WDR27: variants seen among roughly 807,000 people sequenced by gnomAD.
WDR27 encodes the protein WD repeat-containing protein 27.
Under a neutral mutation model 114.4 loss-of-function variants are expected in WDR27, and 100 were observed. The observed-to-expected ratio is 0.87, with a 90% CI of 0.74 to 1.03. The LOEUF (loss-of-function observed/expected upper bound fraction) is 1.03. Among genes scored for constraint, WDR27 ranks in the 50% least tolerant of loss-of-function variants. The pLI, the probability that WDR27 is intolerant of heterozygous loss-of-function variation, is 0.00. For missense variants in WDR27, 1,129 were observed against 1,092.9 expected, an observed-to-expected ratio of 1.03 and a Z score of -0.47; for synonymous variants, 449 against 423.1, an observed-to-expected ratio of 1.06 and a Z score of -0.75.
chr6:169,486,825 T>C (rs1347823442), intron 25 of WDR27, among the ~76,000 whole-genome samples: 1 of 152,234 alleles, frequency 6.6e-6, no homozygotes, highest in African/African-American at 2.4e-5. Flanking sequence ...TTTTCCTCGA[T>C]GTTTTCACAG....
At chr6:169,643,820 A>T (rs771739224) in intron 16 of WDR27, 34 bp from the exon 17 acceptor site, 1 of 1,570,538 alleles carries the variant, frequency 6.4e-7, no homozygotes, top group Non-Finnish European at 8.7e-7. Flanking sequence ...GACTTCTTAG[A>T]AAAGCCTAAT....
intron 13 of WDR27, among the ~76,000 whole-genome samples, chr6:169,655,896 G>C (rs996055641): frequency 6.6e-6 from 1 of 152,116 alleles, no homozygotes; most frequent in African/African-American, 2.4e-5. Context: ...AATTTTTCTT[G>C]TATTTTTAGT....
intron 13 of WDR27, among the ~76,000 whole-genome samples, chr6:169,656,487 C>G (rs1342056796): frequency 1.3e-5 from 2 of 151,828 alleles, no homozygotes; most frequent in African/African-American, 4.8e-5. Context: ...GTGAGACTGA[C>G]AGGGCCAAGA....
At chr6:169,527,279 A>G (rs1283466910) in intron 25 of WDR27, among the ~76,000 whole-genome samples, 1 of 152,280 alleles carries the variant, frequency 6.6e-6, no homozygotes, top group Non-Finnish European at 1.5e-5. Context: ...ACTGTGGTAT[A>G]TCCATACTTT....
intron 25 of WDR27, among the ~76,000 whole-genome samples, chr6:169,503,576 T>TC (rs1268741440): frequency 2.6e-5 from 4 of 152,168 alleles, no homozygotes; most frequent in Admixed American, 2.0e-4. Flanking sequence ...CATTAGATGC[T>TC]CCTTTTTTTG....
intron 3 of WDR27, 115 bp from the exon 4 acceptor site, chr6:169,670,808 A>G (rs186809103): frequency 1.1e-5 from 14 of 1,323,038 alleles, no homozygotes; most frequent in African/African-American, 1.0e-4. Flanking sequence ...GAGAATGACA[A>G]TGAGCTTTGA....
chr6:169,476,710 G>C (rs978083603), intron 25 of WDR27, among the ~76,000 whole-genome samples: 6 of 152,228 alleles, frequency 3.9e-5, no homozygotes, highest in Admixed American at 1.3e-4. Flanking sequence ...TTTCAAGTAT[G>C]AGTTGCCATT....
At chr6:169,597,691 T>C (rs1489618542) in intron 23 of WDR27, among the ~76,000 whole-genome samples, 2 of 152,206 alleles carry the variant, frequency 1.3e-5, no homozygotes, top group Non-Finnish European at 2.9e-5. Context: ...CTGCTGAGCC[T>C]ACCTGTTTCT....
intron 25 of WDR27, among the ~76,000 whole-genome samples, chr6:169,478,933 G>GT (rs1177331301): frequency 3.9e-5 from 6 of 152,164 alleles, no homozygotes; most frequent in African/African-American, 1.4e-4. Flanking sequence ...AGATTTAAAC[G>GT]TAAGACTGTA....
chr6:169,519,321 T>C (rs1398238939), intron 25 of WDR27, among the ~76,000 whole-genome samples: 1 of 152,218 alleles, frequency 6.6e-6, no homozygotes, highest in Non-Finnish European at 1.5e-5. Flanking sequence ...CATTCTTGTA[T>C]TGCTAAAAAG....
rs79747080 is a variant in WDR27 at position 169,538,478 on chromosome 6, G to A, written c.2645+33941C>T. 1.3e-3 allele frequency among the ~76,000 whole-genome samples: 205 copies of A among 152,202 alleles called. 4 individuals are homozygous for A. The East Asian group carries it at 0.032, about 24-fold the overall frequency. On this transcript the variant is annotated intron_variant, in intron 25 of 25. Transcript: ENST00000448612. ...CTCCCATAAGGTCACTCTTAAGAACGGATATCCCACCTTTCACAAGCTAAA... is the reference window on the plus strand; with the variant it reads ...CTCCCATAAGGTCACTCTTAAGAACAGATATCCCACCTTTCACAAGCTAAA...
At chr6:169,661,858 T>C (rs1380225975) in intron 9 of WDR27, among the ~76,000 whole-genome samples, 1 of 152,276 alleles carries the variant, frequency 6.6e-6, no homozygotes, top group Non-Finnish European at 1.5e-5. Context: ...AATATATTCT[T>C]GAATCACAGT....
At chr6:169,675,246 T>G (rs1349676232) in intron 2 of WDR27, among the ~76,000 whole-genome samples, 1 of 152,088 alleles carries the variant, frequency 6.6e-6, no homozygotes, top group Non-Finnish European at 1.5e-5. Flanking sequence ...ATCCTCACCA[T>G]GGTGAGTTCT....
At chr6:169,614,920 T>A (rs1214728283) in intron 21 of WDR27, among the ~76,000 whole-genome samples, 1 of 152,024 alleles carries the variant, frequency 6.6e-6, no homozygotes. Flanking sequence ...CAGACAGCAA[T>A]TGCTAGTATA....
At chr6:169,666,640 T>C in intron 6 of WDR27, 1 of 985,768 alleles carries the variant, frequency 1.0e-6, no homozygotes, top group Non-Finnish European at 1.2e-6. Context: ...TGTGTGGCCG[T>C]GTGCCAGCTT....
chr6:169,439,753 T>G, the WDR27 span, among the ~76,000 whole-genome samples: 1 of 151,936 alleles, frequency 6.6e-6, no homozygotes, highest in East Asian at 1.9e-4. Context: ...GGTGAAAACA[T>G]TTACTTTTCT....
chr6:169,675,361 T>C (rs899984513), intron 2 of WDR27, among the ~76,000 whole-genome samples: 1 of 152,214 alleles, frequency 6.6e-6, no homozygotes, highest in Admixed American at 6.5e-5. Context: ...ACCATGATTG[T>C]AAGGTTCCTG....
At chr6:169,623,522 G>A (rs190921760) in intron 21 of WDR27, among the ~76,000 whole-genome samples, 5 of 152,238 alleles carry the variant, frequency 3.3e-5, no homozygotes, top group East Asian at 3.9e-4. Flanking sequence ...AGCCAGTGAC[G>A]GCACCACTCA....
intron 2 of WDR27, among the ~76,000 whole-genome samples, chr6:169,682,064 G>C (rs753503567): frequency 8.5e-5 from 13 of 152,064 alleles, no homozygotes; most frequent in Non-Finnish European, 1.6e-4. Flanking sequence ...ATGTGACCAG[G>C]CTCTCCAACC....
Sources: allele counts gnomAD v4.1 joint callset (sites outside exome capture counted in the v4.1 genomes callset), GRCh38; gene constraint gnomAD v4.1.1; transcripts MANE v1.5; gene names NCBI Gene and HGNC (gene_info 2026-07-23, HGNC 2026-07-21).